The following GRM7 variants were observed in gnomAD, a reference collection of about 807,000 sequenced individuals.
The protein encoded by GRM7 is glutamate metabotropic receptor 7, also known as metabotropic glutamate receptor 7.
In GRM7, 35 loss-of-function variants were observed where a neutral mutation model predicts 84.5. The observed-to-expected ratio is 0.41, with a 90% CI of 0.32 to 0.55. The LOEUF (loss-of-function observed/expected upper bound fraction) is 0.55, where lower values mean the gene tolerates loss of function less well. GRM7 is among the 20% of genes least tolerant of loss of function. GRM7 has a pLI of 0.19. For missense variants in GRM7, 1,003 were observed against 1,194.6 expected (o/e 0.84, Z 2.36); for synonymous variants, 487 against 455.1 (o/e 1.07, Z -0.89).
chr3:7,001,327 G>T (rs763700115), intron 1 of GRM7, among the ~76,000 whole-genome samples: 1 of 152,086 alleles, frequency 6.6e-6, no homozygotes, highest in African/African-American at 2.4e-5. Flanking sequence ...TCCAACCTGG[G>T]TGACAGAGTG....
chr3:7,650,935 G>A (rs887070502), intron 8 of GRM7, among the ~76,000 whole-genome samples: 4 of 152,122 alleles, frequency 2.6e-5, no homozygotes, highest in African/African-American at 9.7e-5. Flanking sequence ...ATTATAGTGA[G>A]GGCACTAATG....
chr3:7,128,020 T>A (rs150800360), intron 1 of GRM7, among the ~76,000 whole-genome samples: 1 of 151,850 alleles, frequency 6.6e-6, no homozygotes, highest in Non-Finnish European at 1.5e-5. Flanking sequence ...TTTAGAGAGA[T>A]AAAGGTAAAA....
chr3:7,725,258 G>T (rs1702082540), intron 9 of GRM7, among the ~76,000 whole-genome samples: 1 of 152,146 alleles, frequency 6.6e-6, no homozygotes, highest in South Asian at 2.1e-4. Context: ...TAATCCTGAA[G>T]AAAGAGAAAC....
chr3:6,947,787 G>T (rs982048534), intron 1 of GRM7, among the ~76,000 whole-genome samples: 7 of 152,136 alleles, frequency 4.6e-5, no homozygotes, highest in Non-Finnish European at 1.0e-4. Flanking sequence ...TCTTGGGAGA[G>T]TGTATGTGTC....
intron 2 of GRM7, among the ~76,000 whole-genome samples, chr3:7,170,551 T>C (rs1694950817): frequency 6.6e-6 from 1 of 152,164 alleles, no homozygotes; most frequent in Non-Finnish European, 1.5e-5. Flanking sequence ...AATTGTCATA[T>C]GGTGAAATTT....
chr3:7,699,096 AG>A (rs1701126015), intron 9 of GRM7, among the ~76,000 whole-genome samples: 1 of 152,198 alleles, frequency 6.6e-6, no homozygotes, highest in African/African-American at 2.4e-5. Flanking sequence ...CAGATGGCAA[AG>A]GGTAATCTCT....
intron 7 of GRM7, among the ~76,000 whole-genome samples, chr3:7,515,729 A>T (rs1700352468): frequency 6.6e-6 from 1 of 152,186 alleles, no homozygotes. Context: ...TTAGATTCTC[A>T]GACTTTAGAA....
chr3:7,721,412 A>G lies in GRM7; in HGVS notation c.2699-18945A>G, dbSNP rs78156604. ...AACCAACCTGGGCCATATGGGCTCA[A>G]TGTGTATGTACAGACATACGCCAGA... On this transcript the variant is annotated intron_variant, in intron 9 of 9. Transcript: ENST00000357716. Among the ~76,000 whole-genome samples the G allele has an allele frequency of 3.0e-3, 452 of 152,308 alleles. 4 individuals carry two copies. Among genetic ancestry groups the G allele is most frequent in the African/African-American group, 0.01 (432 of 41,570 alleles).
rs573815335 is a variant in GRM7 at position 7,303,028 on chromosome 3, C to T, written c.879-3470C>T. Among the ~76,000 whole-genome samples, 9 of 149,616 alleles carry T rather than the reference C, an allele frequency of 6.0e-5. No individual in the cohort carries two copies. The East Asian group carries it at 7.9e-4, about 13-fold the overall frequency. On this transcript the variant is annotated intron_variant, in intron 3 of 9. Coordinates refer to ENST00000357716, the MANE Select transcript of GRM7 (RefSeq NM_000844.4). Reference sequence around the variant, plus strand: ...CGATCTCAGCTCACTGAAAGCTCCACCTCCCGGGTTCATGCCATTCTCCTG... The same window carrying T: ...CGATCTCAGCTCACTGAAAGCTCCATCTCCCGGGTTCATGCCATTCTCCTG...
chr3:7,534,306 GC>G (rs1458632697), intron 7 of GRM7, among the ~76,000 whole-genome samples: 1 of 152,058 alleles, frequency 6.6e-6, no homozygotes, highest in Non-Finnish European at 1.5e-5. Context: ...GAGCCATGGC[GC>G]CCAGCTGAAA....
intron 6 of GRM7, among the ~76,000 whole-genome samples, chr3:7,453,307 A>G (rs1697857043): frequency 6.6e-6 from 1 of 151,950 alleles, no homozygotes; most frequent in Non-Finnish European, 1.5e-5. Context: ...TACATGATCT[A>G]TCTGGCATGC....
intron 7 of GRM7, among the ~76,000 whole-genome samples, chr3:7,504,532 A>G (rs1575426511): frequency 6.6e-6 from 1 of 152,266 alleles, no homozygotes; most frequent in African/African-American, 2.4e-5. Context: ...TGGGAAGTTC[A>G]ATAGCATGGT....
chr3:7,539,442 C>T (rs1341985146), intron 7 of GRM7, among the ~76,000 whole-genome samples: 3 of 151,760 alleles, frequency 2.0e-5, no homozygotes, highest in South Asian at 2.1e-4. Flanking sequence ...TTTGGGAGGC[C>T]GAGGTGGGTG....
intron 1 of GRM7, among the ~76,000 whole-genome samples, chr3:7,021,676 G>T (rs1297009429): frequency 2.6e-5 from 4 of 152,100 alleles, no homozygotes; most frequent in Non-Finnish European, 5.9e-5. Context: ...TAGTATTCTT[G>T]TCTTTGCTTC....
intron 4 of GRM7, among the ~76,000 whole-genome samples, chr3:7,350,738 A>G (rs1409258802): frequency 1.3e-5 from 2 of 152,102 alleles, no homozygotes; most frequent in Non-Finnish European, 2.9e-5. Context: ...AAACTTGGTA[A>G]TACTGCAAAC....
At chr3:6,896,918 A>G (rs1696203922) in intron 1 of GRM7, among the ~76,000 whole-genome samples, 1 of 152,126 alleles carries the variant, frequency 6.6e-6, no homozygotes, top group South Asian at 2.1e-4. Flanking sequence ...ATGTGAATGT[A>G]TGTGTGTGCT....
chr3:6,889,626 T>C lies in GRM7; in HGVS notation c.519+27719T>C, dbSNP rs539851859. 1.1e-4 allele frequency among the ~76,000 whole-genome samples: 17 copies of C among 152,294 alleles called. No homozygotes were observed. The South Asian group carries it at 1.2e-3, about 11-fold the overall frequency. ...AACCTTTTTGATGTGCTGCTGGATT[T>C]GGTTTGCCAGTATTTTATTGAGGAT... is the stretch of plus-strand genomic sequence containing the variant. On this transcript the variant is annotated intron_variant, in intron 1 of 9. Transcript: ENST00000357716.
At chr3:6,879,356 G>A (rs906607229) in intron 1 of GRM7, among the ~76,000 whole-genome samples, 9 of 152,148 alleles carry the variant, frequency 5.9e-5, no homozygotes, top group African/African-American at 1.9e-4. Flanking sequence ...ACATAGTGGA[G>A]TGATTAGATC....
At chr3:7,199,754 C>G (rs1696002018) in intron 2 of GRM7, among the ~76,000 whole-genome samples, 1 of 152,084 alleles carries the variant, frequency 6.6e-6, no homozygotes, top group African/African-American at 2.4e-5. Flanking sequence ...TGACATAGAG[C>G]CATGATTTAT....
Sources: allele counts gnomAD v4.1 joint callset (sites outside exome capture counted in the v4.1 genomes callset), GRCh38; gene constraint gnomAD v4.1.1; transcripts MANE v1.5; gene names NCBI Gene and HGNC (gene_info 2026-07-23, HGNC 2026-07-21).